Variants in GPHN observed in about 807,000 individuals in gnomAD.
The protein encoded by GPHN is gephyrin.
GPHN carries 17 observed loss-of-function variants against 95.5 expected under a neutral mutation model. That is an observed-to-expected ratio of 0.18 (90% CI 0.12 to 0.27). The LOEUF (loss-of-function observed/expected upper bound fraction) is 0.27. GPHN is among the 10% of genes least tolerant of loss of function. The pLI is 1.00. For synonymous variants in GPHN, 320 were observed against 322.5 expected, an observed-to-expected ratio of 0.99 and a Z score of 0.08; for missense variants, 660 against 978.1, an observed-to-expected ratio of 0.67 and a Z score of 4.34.
chr14:67,536,288 G>A, the GPHN span, among the ~76,000 whole-genome samples: 1 of 151,886 alleles, frequency 6.6e-6, no homozygotes, highest in South Asian at 2.1e-4. Context: ...TTGTCCCTGT[G>A]TACACTCACA....
At chr14:67,291,587 A>G in the GPHN span, among the ~76,000 whole-genome samples, 1 of 152,178 alleles carries the variant, frequency 6.6e-6, no homozygotes, top group Non-Finnish European at 1.5e-5. Flanking sequence ...CCAGCCTACC[A>G]GTGCTTCTTA....
At chr14:66,843,868 C>G (rs1327638232) in intron 4 of GPHN, among the ~76,000 whole-genome samples, 1 of 151,678 alleles carries the variant, frequency 6.6e-6, no homozygotes, top group African/African-American at 2.4e-5. Context: ...TTAAGTTTTC[C>G]TTTCACATCA....
At chr14:67,571,816 G>A in the GPHN span, 1 of 1,613,952 alleles carries the variant, frequency 6.2e-7, no homozygotes, top group Non-Finnish European at 8.5e-7. Flanking sequence ...GATGACTGCA[G>A]CTCTCAGGCG....
rs2075693602 is a variant in GPHN, at chr14:67,058,534, C to T, written c.1007-115C>T. 3 of 897,304 alleles carry T rather than the reference C, an allele frequency of 3.3e-6. No individual in the cohort carries two copies. In the East Asian group the frequency reaches 7.3e-5, roughly 22 times the overall value. The allele number at this position is 897,304 out of a possible 1,614,324, so 55.6% of individuals were successfully genotyped here. On this transcript the variant is annotated intron_variant, in intron 10 of 22. Transcript: ENST00000478722. ...GGAGGCAGGAGAAACAGTTTCTTAC[C>T]TGCTAATCTTCATCTGGGGACATTT...
At chr14:66,548,321 C>T (rs973333656) in intron 1 of GPHN, among the ~76,000 whole-genome samples, 6 of 151,924 alleles carry the variant, frequency 3.9e-5, no homozygotes, top group African/African-American at 9.7e-5. Context: ...GCTGGGATTA[C>T]GGGCGCCCAC....
At chr14:67,358,011 G>A in the GPHN span, among the ~76,000 whole-genome samples, 1 of 152,128 alleles carries the variant, frequency 6.6e-6, no homozygotes, top group Non-Finnish European at 1.5e-5. Flanking sequence ...AAGGGAACGA[G>A]AGGGGTCTAT....
At chr14:67,068,812 A>G (rs77302186) in intron 11 of GPHN, among the ~76,000 whole-genome samples, 10,127 of 152,220 alleles carry the variant, frequency 0.067, 359 homozygotes, top group Middle Eastern at 0.085. Flanking sequence ...TACTGACCAC[A>G]GCACAAAGGC....
the GPHN span, among the ~76,000 whole-genome samples, chr14:67,508,135 C>CAAAAAAAAAAAAAA: frequency 1.5e-4 from 19 of 130,598 alleles, no homozygotes; most frequent in African/African-American, 4.2e-4. Context: ...AACTCCATCT[C>CAAAAAAAAAAAAAA]AAAAAAAAAA....
At chr14:66,834,794 C>T (rs2061727427) in intron 4 of GPHN, among the ~76,000 whole-genome samples, 1 of 147,490 alleles carries the variant, frequency 6.8e-6, no homozygotes, top group African/African-American at 2.5e-5. Context: ...AGGATTCCCT[C>T]TTTTTCTATT....
chr14:67,496,448 G>GGCTGGAGT, the GPHN span, among the ~76,000 whole-genome samples: 1 of 119,840 alleles, frequency 8.3e-6, no homozygotes, highest in Admixed American at 1.2e-4. Context: ...CTGTCACCCA[G>GGCTGGAGT]GCTGGAGTGC....
At chr14:67,647,901 C>G in the GPHN span, 10 of 773,544 alleles carry the variant, frequency 1.3e-5, no homozygotes, top group Non-Finnish European at 1.8e-5. Context: ...GAATAGGAAG[C>G]CTGGAAATGT....
At chr14:67,071,195 G>C (rs2076291741) in intron 11 of GPHN, among the ~76,000 whole-genome samples, 2 of 152,124 alleles carry the variant, frequency 1.3e-5, no homozygotes, top group African/African-American at 4.8e-5. Context: ...TATGTTGATT[G>C]CAGCACTATT....
intron 15 of GPHN, 84 bp from the exon 16 acceptor site, chr14:67,112,934 C>T: frequency 1.6e-6 from 2 of 1,276,414 alleles, no homozygotes; most frequent in South Asian, 1.2e-5. Context: ...CTTGAATGTC[C>T]TTTTTTGACA....
the GPHN span, among the ~76,000 whole-genome samples, chr14:67,428,786 A>G: frequency 1.3e-5 from 2 of 152,180 alleles, no homozygotes; most frequent in African/African-American, 4.8e-5. Flanking sequence ...AGTATTAGTT[A>G]TCATCTGCCG....
the GPHN span, among the ~76,000 whole-genome samples, chr14:67,519,191 T>C: frequency 3.9e-5 from 6 of 151,942 alleles, no homozygotes; most frequent in Non-Finnish European, 8.8e-5. Context: ...GGCTAAGGAG[T>C]GTAAACTCAG....
At chr14:66,790,632 G>A (rs1349407341) in intron 3 of GPHN, among the ~76,000 whole-genome samples, 1 of 152,214 alleles carries the variant, frequency 6.6e-6, no homozygotes, top group Non-Finnish European at 1.5e-5. Context: ...CTCTGGGCAA[G>A]ATGGTTGCCC....
At chr14:66,607,851 G>A (rs1197930750) in intron 1 of GPHN, among the ~76,000 whole-genome samples, 1 of 151,730 alleles carries the variant, frequency 6.6e-6, no homozygotes, top group Non-Finnish European at 1.5e-5. Flanking sequence ...TGTCATCTTT[G>A]TCATTTCTGT....
the GPHN span, among the ~76,000 whole-genome samples, chr14:67,338,942 T>C: frequency 6.6e-6 from 1 of 151,096 alleles, no homozygotes; most frequent in African/African-American, 2.4e-5. Flanking sequence ...AATTTTAAGC[T>C]AAAAATACAT....
At chr14:66,595,834 G>A (rs1327906502) in intron 1 of GPHN, among the ~76,000 whole-genome samples, 1 of 152,194 alleles carries the variant, frequency 6.6e-6, no homozygotes, top group Non-Finnish European at 1.5e-5. Context: ...GCGTGTTTCA[G>A]CCCTGTTTGT....
Sources: allele counts gnomAD v4.1 joint callset (sites outside exome capture counted in the v4.1 genomes callset), GRCh38; gene constraint gnomAD v4.1.1; transcripts MANE v1.5; gene names NCBI Gene and HGNC (gene_info 2026-07-23, HGNC 2026-07-21).